Variants in KPNA3 observed in about 807,000 individuals in gnomAD.
KPNA3 encodes karyopherin subunit alpha 3.
KPNA3 carries 13 observed loss-of-function variants against 73.8 expected under a neutral mutation model. The ratio of observed to expected loss-of-function variants is 0.18; its 90% CI spans 0.11 to 0.28. The LOEUF (loss-of-function observed/expected upper bound fraction) is 0.28. Ranked by LOEUF, KPNA3 falls within the 10% of genes least tolerant of loss-of-function variation. KPNA3 has a pLI of 1.00. For synonymous variants in KPNA3, 186 were observed against 206.9 expected (o/e 0.90, Z 0.87); for missense variants, 360 against 618.1 (o/e 0.58, Z 4.43).
At chr13:49,779,668 T>G (rs995053958) in intron 1 of KPNA3, among the ~76,000 whole-genome samples, 1 of 152,160 alleles carries the variant, frequency 6.6e-6, no homozygotes, top group African/African-American at 2.4e-5. Context: ...ACAGCCTTCT[T>G]TCCACCCTAC....
chr13:49,775,100 C>T (rs937607571), intron 1 of KPNA3, among the ~76,000 whole-genome samples: 5 of 132,264 alleles, frequency 3.8e-5, no homozygotes, highest in Non-Finnish European at 7.6e-5. Context: ...TTGCAGTGAG[C>T]GGAGATCATG....
chr13:49,748,685 G>A (rs1954638344), intron 1 of KPNA3, among the ~76,000 whole-genome samples: 2 of 152,046 alleles, frequency 1.3e-5, no homozygotes, highest in South Asian at 4.2e-4. Flanking sequence ...AAACAAAACT[G>A]CCAAACAAAA....
intron 2 of KPNA3, among the ~76,000 whole-genome samples, chr13:49,744,094 G>A (rs1168700408): frequency 6.6e-6 from 1 of 152,120 alleles, no homozygotes; most frequent in African/African-American, 2.4e-5. Context: ...AAGAGGCCCT[G>A]GGGTATTCTC....
At position 49,755,146 on chromosome 13, in the gene KPNA3, A is replaced by G. The variant is rs116956168; in HGVS notation, c.70-8153T>C. On this transcript the variant is annotated intron_variant, in intron 1 of 16. Coordinates refer to ENST00000261667, the MANE Select transcript of KPNA3 (RefSeq NM_002267.4). ...CAAAAATCCTTATCAAAATGTTACC[A>G]ACTAGAAGTCACTATACTAGCAGGC... Among the ~76,000 whole-genome samples the G allele has an allele frequency of 1.4e-3, 218 of 152,282 alleles. 2 individuals carry two copies. The highest frequency in any genetic ancestry group is 1.5e-3 in the Non-Finnish European group (100 of 68,008).
intron 1 of KPNA3, among the ~76,000 whole-genome samples, chr13:49,780,719 CTTTT>C (rs11352434): frequency 4.6e-5 from 6 of 130,454 alleles, no homozygotes; most frequent in African/African-American, 1.2e-4. Context: ...AAAAATATTT[CTTTT>C]TTTTTTTTTT....
At chr13:49,754,290 G>A (rs926160699) in intron 1 of KPNA3, among the ~76,000 whole-genome samples, 1 of 152,042 alleles carries the variant, frequency 6.6e-6, no homozygotes, top group East Asian at 1.9e-4. Flanking sequence ...GACAGAACAA[G>A]ACTCCATCTC....
At chr13:49,790,238 G>A (rs947417282) in intron 1 of KPNA3, among the ~76,000 whole-genome samples, 1 of 152,160 alleles carries the variant, frequency 6.6e-6, no homozygotes, top group Non-Finnish European at 1.5e-5. Flanking sequence ...AGGCCGAGGC[G>A]GGAGAATCAC....
chr13:49,734,084 T>C (rs1954497336), intron 2 of KPNA3, among the ~76,000 whole-genome samples: 1 of 152,254 alleles, frequency 6.6e-6, no homozygotes. Context: ...AAATTTATGC[T>C]GTATTTAAAT....
intron 1 of KPNA3, among the ~76,000 whole-genome samples, chr13:49,755,267 T>C (rs1430232369): frequency 6.6e-6 from 1 of 152,130 alleles, no homozygotes; most frequent in African/African-American, 2.4e-5. Flanking sequence ...GATTATATTA[T>C]TCAATGCAGA....
chr13:49,749,346 C>T (rs1342467456), intron 1 of KPNA3, among the ~76,000 whole-genome samples: 3 of 152,150 alleles, frequency 2.0e-5, no homozygotes, highest in Non-Finnish European at 1.5e-5. Flanking sequence ...TGATACTCTG[C>T]ATAAGGAAAG....
intron 8 of KPNA3, 55 bp from the exon 9 acceptor site, chr13:49,722,179 T>C (rs938714447): frequency 1.6e-6 from 2 of 1,222,738 alleles, no homozygotes; most frequent in African/African-American, 3.1e-5. Context: ...TGAGAAAGTC[T>C]GAAATGTATG....
At chr13:49,790,441 G>A (rs906266860) in intron 1 of KPNA3, among the ~76,000 whole-genome samples, 1 of 152,216 alleles carries the variant, frequency 6.6e-6, no homozygotes, top group Non-Finnish European at 1.5e-5. Context: ...ACTCCAACTT[G>A]GGTAAAGGAG....
chr13:49,791,314 G>A (rs1296313603), intron 1 of KPNA3, among the ~76,000 whole-genome samples: 1 of 152,172 alleles, frequency 6.6e-6, no homozygotes, highest in East Asian at 1.9e-4. Context: ...TAGCAAAGAA[G>A]GCTGCGGCCT....
At chr13:49,763,161 G>A (rs866214348) in intron 1 of KPNA3, among the ~76,000 whole-genome samples, 5 of 152,140 alleles carry the variant, frequency 3.3e-5, no homozygotes, top group Middle Eastern at 3.4e-3. Flanking sequence ...AAATATATCA[G>A]CAAGCCAGAA....
At chr13:49,780,717 TTC>T (rs1334360266) in intron 1 of KPNA3, among the ~76,000 whole-genome samples, 4 of 122,446 alleles carry the variant, frequency 3.3e-5, no homozygotes, top group South Asian at 3.0e-4. Context: ...TGAAAAATAT[TTC>T]TTTTTTTTTT....
At chr13:49,712,196 T>C (rs56977200) in intron 10 of KPNA3, among the ~76,000 whole-genome samples, 1,824 of 152,190 alleles carry the variant, frequency 0.012, 35 homozygotes, top group African/African-American at 0.042. Flanking sequence ...ATAACACCAA[T>C]ATGTGTAGGC....
At chr13:49,719,554 C>T (rs931262676) in intron 10 of KPNA3, among the ~76,000 whole-genome samples, 2 of 152,136 alleles carry the variant, frequency 1.3e-5, no homozygotes, top group Non-Finnish European at 2.9e-5. Flanking sequence ...AAATAAACTA[C>T]ATATGCAGTA....
chr13:49,763,945 G>A (rs974403239), intron 1 of KPNA3, among the ~76,000 whole-genome samples: 2 of 151,942 alleles, frequency 1.3e-5, no homozygotes, highest in African/African-American at 4.8e-5. Context: ...TGTGCACCTG[G>A]AGTCTCAGCT....
At chr13:49,707,753 C>T (rs1362706364) in intron 12 of KPNA3, among the ~76,000 whole-genome samples, 1 of 151,788 alleles carries the variant, frequency 6.6e-6, no homozygotes, top group Admixed American at 6.6e-5. Flanking sequence ...AAGTAACTGG[C>T]CCAGAGTCTG....
Sources: gnomAD v4.1 joint callset for allele counts (sites outside exome capture counted in the v4.1 genomes callset) on GRCh38, gnomAD v4.1.1 for gene constraint, MANE v1.5 for transcripts, NCBI Gene and HGNC (gene_info 2026-07-23, HGNC 2026-07-21) for gene names.